MYO10: variants seen among roughly 807,000 people sequenced by gnomAD.
MYO10 encodes myosin X, also known as unconventional myosin-X.
Under a neutral mutation model 257.3 loss-of-function variants are expected in MYO10, and 133 were observed. The observed-to-expected ratio is 0.52, with a 90% confidence interval of 0.45 to 0.60. The LOEUF (loss-of-function observed/expected upper bound fraction) is 0.60. Ranked by LOEUF, MYO10 falls within the 20% of genes least tolerant of loss-of-function variation. The pLI is 0.00. For missense variants in MYO10, 2,399 were observed against 2,635.7 expected (o/e 0.91, Z 1.97); for synonymous variants, 1,104 against 1,028.6 (o/e 1.07, Z -1.40).
intron 2 of MYO10, among the ~76,000 whole-genome samples, chr5:16,826,879 G>GC (rs1446407737): frequency 6.6e-6 from 1 of 152,148 alleles, no homozygotes; most frequent in Non-Finnish European, 1.5e-5. Flanking sequence ...GCTGAAATTA[G>GC]CAATCATGTA....
Position 16,703,176 on chromosome 5 carries a change from CAA to C in MYO10, c.2277-20_2277-19del, listed in dbSNP as rs760618702. The C allele has an allele frequency of 6.4e-7, 1 of 1,561,840 alleles. No individual in the cohort carries two copies. The highest frequency in any genetic ancestry group is 1.2e-5 in the South Asian group (1 of 85,266). On this transcript the variant is annotated intron_variant, in intron 22 of 40. Transcript: ENST00000513610. ...ATTGTTTTCTGAAAATGAAAGAAAA[CAA>C]GAGAATCGGCATTGAAGTAATGAGG...
intron 37 of MYO10, 143 bp from the exon 38 acceptor site, chr5:16,671,685 G>A (rs1433867222): frequency 9.3e-7 from 1 of 1,073,816 alleles, no homozygotes. Context: ...GATGGGGATA[G>A]AGGAATAAAC....
intron 21 of MYO10, 48 bp downstream of exon 21, chr5:16,710,860 G>A (rs531507171): frequency 1.8e-5 from 27 of 1,506,582 alleles, no homozygotes; most frequent in African/African-American, 1.2e-4. Flanking sequence ...GCATCACCCC[G>A]AGATCTGTCA....
intron 19 of MYO10, among the ~76,000 whole-genome samples, chr5:16,714,481 G>A (rs1236683993): frequency 6.8e-6 from 1 of 146,954 alleles, no homozygotes; most frequent in Non-Finnish European, 1.5e-5. Context: ...GATCTGTGCT[G>A]GGTAAGGATC....
At chr5:16,740,961 G>A (rs1739997544) in intron 19 of MYO10, among the ~76,000 whole-genome samples, 1 of 151,602 alleles carries the variant, frequency 6.6e-6, no homozygotes, top group South Asian at 2.1e-4. Flanking sequence ...GACGAAAGCA[G>A]ATTTAGCCTA....
chr5:16,804,548 T>C (rs1275162856), intron 3 of MYO10, among the ~76,000 whole-genome samples: 3 of 152,146 alleles, frequency 2.0e-5, no homozygotes, highest in Non-Finnish European at 4.4e-5. Flanking sequence ...CCGGCAACCA[T>C]AGTCATAGTT....
chr5:16,742,437 T>C (rs1740048453), intron 19 of MYO10, among the ~76,000 whole-genome samples: 1 of 152,220 alleles, frequency 6.6e-6, no homozygotes. Context: ...AGGTCTTCTA[T>C]ATGAAATGTT....
At chr5:16,739,330 CTT>C (rs1739929389) in intron 19 of MYO10, among the ~76,000 whole-genome samples, 2 of 151,556 alleles carry the variant, frequency 1.3e-5, no homozygotes, top group African/African-American at 4.8e-5. Context: ...TTGCAAATTT[CTT>C]GTTTCTGTTT....
chr5:16,797,801 A>G (rs1285056492), intron 3 of MYO10, among the ~76,000 whole-genome samples: 1 of 152,252 alleles, frequency 6.6e-6, no homozygotes, highest in Non-Finnish European at 1.5e-5. Context: ...TGACTGCTTC[A>G]CTGGTACAGG....
intron 4 of MYO10, among the ~76,000 whole-genome samples, chr5:16,788,769 G>A (rs1283401979): frequency 1.3e-5 from 2 of 152,112 alleles, no homozygotes; most frequent in African/African-American, 4.8e-5. Context: ...AATATAGGAT[G>A]GGGCGCCATG....
intron 1 of MYO10, among the ~76,000 whole-genome samples, chr5:16,907,865 G>GA (rs1161759308): frequency 1.3e-5 from 2 of 152,266 alleles, no homozygotes; most frequent in Non-Finnish European, 2.9e-5. Flanking sequence ...AACTTTACTG[G>GA]AAAATGTAAT....
At chr5:16,829,549 G>T (rs1743103100) in intron 2 of MYO10, among the ~76,000 whole-genome samples, 1 of 152,142 alleles carries the variant, frequency 6.6e-6, no homozygotes, top group Admixed American at 6.5e-5. Context: ...TATCAGGGAT[G>T]GTGCACACAA....
Position 16,701,961 on chromosome 5 carries a change from T to C in MYO10, c.2557-123A>G, listed in dbSNP as rs1026731899. Reference sequence around the variant, plus strand: ...TTGGACTGTGTCCCCATAAAGTCTATAGGTTGAAGTCCTAACCCCAATACT... The same window carrying C: ...TTGGACTGTGTCCCCATAAAGTCTACAGGTTGAAGTCCTAACCCCAATACT... On this transcript the variant is annotated intron_variant, in intron 24 of 40. Transcript: ENST00000513610. The surrounding 1 kb of genome is among the most constrained non-coding windows in gnomAD (Gnocchi z 8.1). 7 of 1,145,732 alleles carry C rather than the reference T, an allele frequency of 6.1e-6. No individual in the cohort carries two copies. The highest frequency in any genetic ancestry group is 8.4e-6 in the Non-Finnish European group (7 of 829,916). 71.0% of individuals were successfully genotyped at this position (1,145,732 alleles called of 1,614,324 possible). A position where few individuals can be genotyped will look rare whatever the true frequency, so the allele number is the denominator to read the frequency against.
At chr5:16,807,884 CTAT>C (rs978899078) in intron 3 of MYO10, among the ~76,000 whole-genome samples, 1 of 152,124 alleles carries the variant, frequency 6.6e-6, no homozygotes, top group African/African-American at 2.4e-5. Context: ...TCACCCTGAG[CTAT>C]TGTTCATCGT....
At chr5:16,840,596 A>T (rs375127847) in intron 2 of MYO10, among the ~76,000 whole-genome samples, 3 of 152,166 alleles carry the variant, frequency 2.0e-5, no homozygotes, top group African/African-American at 7.2e-5. Context: ...CCAGGAACAG[A>T]GCCACTACAA....
chr5:16,893,217 A>AAAAAAAAAAAAAAAAT, intron 1 of MYO10, among the ~76,000 whole-genome samples: 2 of 145,408 alleles, frequency 1.4e-5, no homozygotes, highest in Non-Finnish European at 3.1e-5. Context: ...AAAAAAAAAG[A>AAAAAAAAAAAAAAAAT]ACTTACAATT....
chr5:16,751,868 A>C (rs1740387093), intron 19 of MYO10, among the ~76,000 whole-genome samples: 2 of 152,140 alleles, frequency 1.3e-5, no homozygotes, highest in Admixed American at 6.6e-5. Flanking sequence ...TGTCTGCCAT[A>C]CTTCAGGACA....
intron 9 of MYO10, among the ~76,000 whole-genome samples, chr5:16,778,657 T>C (rs1377724771): frequency 6.7e-6 from 1 of 148,460 alleles, no homozygotes; most frequent in African/African-American, 2.5e-5. Context: ...GGTGGGGGCC[T>C]GTTAGCAGGA....
chr5:16,738,759 T>TGC (rs1329059878), intron 19 of MYO10, among the ~76,000 whole-genome samples: 2 of 151,606 alleles, frequency 1.3e-5, no homozygotes, highest in African/African-American at 4.8e-5. Context: ...GGCGTGGTGG[T>TGC]GCACGCCTGT....
Sources: gnomAD v4.1 joint callset for allele counts (sites outside exome capture counted in the v4.1 genomes callset) on GRCh38, gnomAD v4.1.1 for gene constraint, Gnocchi (gnomAD v3.1) non-coding constraint, MANE v1.5 for transcripts, NCBI Gene and HGNC (gene_info 2026-07-23, HGNC 2026-07-21) for gene names.